The following ERI1 variants were observed in gnomAD, a reference collection of about 807,000 sequenced individuals.
ERI1 encodes the protein 3'-5' exoribonuclease 1.
In ERI1, 39 loss-of-function variants were observed where a neutral mutation model predicts 39.7. The observed-to-expected ratio is 0.98, with a 90% CI of 0.76 to 1.28. The LOEUF (loss-of-function observed/expected upper bound fraction) is 1.28. Among genes scored for constraint, ERI1 ranks in the 50% most tolerant of loss-of-function variants. The pLI, the probability that ERI1 is intolerant of heterozygous loss-of-function variation, is 0.00. For missense variants in ERI1, 581 were observed against 416.9 expected, an observed-to-expected ratio of 1.39 and a Z score of -3.43; for synonymous variants, 204 against 149.6, an observed-to-expected ratio of 1.36 and a Z score of -2.65.
chr8:9,070,940 G>T (rs1799027894), intron 3 of ERI1, among the ~76,000 whole-genome samples: 1 of 152,176 alleles, frequency 6.6e-6, no homozygotes, highest in African/African-American at 2.4e-5. Flanking sequence ...CTGGGACAGA[G>T]ACTTACAAGG....
At chr8:9,012,657 T>C (rs1286790592) in intron 3 of ERI1, among the ~76,000 whole-genome samples, 1 of 152,194 alleles carries the variant, frequency 6.6e-6, no homozygotes, top group East Asian at 1.9e-4. Flanking sequence ...TAGATTTTAC[T>C]TCTCTCTTAC....
intron 1 of ERI1, among the ~76,000 whole-genome samples, chr8:9,005,453 C>T (rs1815880193): frequency 6.6e-6 from 1 of 151,778 alleles, no homozygotes; most frequent in African/African-American, 2.4e-5. Context: ...TTATAGAATA[C>T]CTGTCTTTTT....
rs1395541707 is a variant in ERI1, at chr8:9,031,978, G to C, written c.*1944G>C. On this transcript the variant is annotated 3_prime_UTR_variant, in exon 7 of 7. Coordinates refer to ENST00000250263, the MANE Select transcript of ERI1 (RefSeq NM_153332.4). ...TCACCATGTTGGTCAGGCTGGTCTT[G>C]AACTCCTGACCTCAAGTGATTTGCC... The C allele has an allele frequency of 6.6e-6, 1 of 152,182 alleles. No individual in the cohort carries two copies. The highest frequency in any genetic ancestry group is 2.4e-5 in the African/African-American group (1 of 41,394). 9.4% of individuals were successfully genotyped at this position (152,182 alleles called of 1,614,324 possible). A position where few individuals can be genotyped will look rare whatever the true frequency, so the allele number is the denominator to read the frequency against.
intron 4 of ERI1, 76 bp from the exon 5 acceptor site, chr8:9,018,221 C>A: frequency 1.3e-6 from 1 of 747,934 alleles, no homozygotes; most frequent in Non-Finnish European, 2.2e-6. Flanking sequence ...TCCCCTCCAA[C>A]TTAGGTCTGG....
At chr8:9,085,250 C>T (rs959836129) in intron 3 of ERI1, among the ~76,000 whole-genome samples, 1 of 152,048 alleles carries the variant, frequency 6.6e-6, no homozygotes, top group Non-Finnish European at 1.5e-5. Context: ...GCTCTGTCAC[C>T]CAGGCTGGAG....
At chr8:9,025,869 C>T (rs568227611) in intron 6 of ERI1, among the ~76,000 whole-genome samples, 69 of 152,126 alleles carry the variant, frequency 4.5e-4, no homozygotes, top group Non-Finnish European at 3.7e-4. Context: ...GGACCCAACT[C>T]TAAATATGAA....
In ERI1 at chr8:9,030,144, A is replaced by T; in HGVS notation, c.*110A>T. The T allele has an allele frequency of 7.3e-7, 1 of 1,376,672 alleles. No homozygotes were observed. The highest frequency in any genetic ancestry group is 9.9e-7 in the Non-Finnish European group (1 of 1,010,510). The allele number at this position is 1,376,672 out of a possible 1,614,324, so 85.3% of individuals were successfully genotyped here. A position where few individuals can be genotyped will look rare whatever the true frequency, so the allele number is the denominator to read the frequency against. On this transcript the variant is annotated 3_prime_UTR_variant, in exon 7 of 7. Coordinates refer to ENST00000250263, the MANE Select transcript of ERI1 (RefSeq NM_153332.4). ...AAACTTTAAGCACCTTAAAACATTT[A>T]AAATCTTATTACAGGTGATAGAGAT...
intron 6 of ERI1, among the ~76,000 whole-genome samples, chr8:9,025,920 A>C (rs553781370): frequency 1.3e-5 from 2 of 152,266 alleles, no homozygotes; most frequent in South Asian, 2.1e-4. Context: ...ACAGAGCCTG[A>C]AGTTAAGTTT....
chr8:9,020,570 C>A, intron 6 of ERI1, 106 bp downstream of exon 6: 1 of 688,172 alleles, frequency 1.5e-6, no homozygotes, highest in Non-Finnish European at 2.4e-6. Context: ...TGGAAAAAAG[C>A]CATATAATTA....
At chr8:9,052,203 G>C (rs952946097) in intron 3 of ERI1, among the ~76,000 whole-genome samples, 1 of 152,162 alleles carries the variant, frequency 6.6e-6, no homozygotes, top group East Asian at 1.9e-4. Context: ...GACGTTTTCT[G>C]TGAGTTTCAG....
At chr8:9,020,676 T>C (rs929274915) in intron 6 of ERI1, among the ~76,000 whole-genome samples, 1 of 152,214 alleles carries the variant, frequency 6.6e-6, no homozygotes, top group African/African-American at 2.4e-5. Flanking sequence ...GTTAACTATA[T>C]ATACCTGACA....
At chr8:9,079,431 C>T (rs907445198) in intron 3 of ERI1, among the ~76,000 whole-genome samples, 3 of 152,178 alleles carry the variant, frequency 2.0e-5, no homozygotes, top group Non-Finnish European at 4.4e-5. Flanking sequence ...TGAAGGGTTC[C>T]TGGTTTCTTG....
At chr8:9,077,326 G>A (rs1799239502) in intron 3 of ERI1, among the ~76,000 whole-genome samples, 2 of 152,152 alleles carry the variant, frequency 1.3e-5, no homozygotes, top group East Asian at 3.9e-4. Flanking sequence ...CCTATGTAGA[G>A]GCAAAGGGAA....
rs3989371 is a variant in ERI1, at chr8:9,049,336, C to CAAAAAAAAAAAAAAAAAAAA, written n.299+28882_299+28901dup. Among the ~76,000 whole-genome samples the CAAAAAAAAAAAAAAAAAAAA allele has an allele frequency of 6.6e-4, 22 of 33,250 alleles. 3 individuals carry two copies. Among genetic ancestry groups the CAAAAAAAAAAAAAAAAAAAA allele is most frequent in the Non-Finnish European group, 6.9e-4 (13 of 18,934 alleles). The allele number at this position is 33,250 out of a possible 152,430, so 21.8% of individuals were successfully genotyped here. On this transcript the variant is annotated intron_variant and non_coding_transcript_variant, in intron 3 of 3. Transcript: ENST00000518663. Reference sequence around the variant, plus strand: ...GGGCGACAGAGTGAGACTCCGTCTCCAAAAAAAAAAAAAAAAAAAAAAAAA... The same window carrying CAAAAAAAAAAAAAAAAAAAA: ...GGGCGACAGAGTGAGACTCCGTCTCCAAAAAAAAAAAAAAAAAAAAAAAAAAAAAAAAAAAAAAAAAAAAA...
chr8:9,065,839 T>A (rs1028357447), intron 3 of ERI1, among the ~76,000 whole-genome samples: 3 of 152,206 alleles, frequency 2.0e-5, no homozygotes, highest in African/African-American at 4.8e-5. Context: ...TGATTCCTTT[T>A]TCCTCTCCTG....
chr8:9,013,021 C>CTTTTTTTTTTTTTTTTTTTTT (rs35229644), intron 3 of ERI1, among the ~76,000 whole-genome samples: 1 of 149,768 alleles, frequency 6.7e-6, no homozygotes, highest in Non-Finnish European at 1.5e-5. Context: ...ACCATTCTCA[C>CTTTTTTTTTTTTTTTTTTTTT]TTTTTTTTTT....
intron 6 of ERI1, among the ~76,000 whole-genome samples, chr8:9,023,792 A>AATTTTTTTT (rs369208558): frequency 1.5e-5 from 1 of 68,652 alleles, no homozygotes. Flanking sequence ...AGTAAAAATG[A>AATTTTTTTT]CTTTTTTTTT....
Position 9,078,485 on chromosome 8 carries a change from C to G in ERI1, n.300-37863C>G, listed in dbSNP as rs373896367. 2.4e-4 allele frequency among the ~76,000 whole-genome samples: 37 copies of G among 152,272 alleles called. 1 individual carries two copies. The East Asian group carries it at 4.8e-3, about 20-fold the overall frequency. ...ATACTTGGTAAGGTTGGAATTCAAA[C>G]TCAAGTTTTTTAACCCAAAGTGCAG... is the stretch of plus-strand genomic sequence containing the variant. On this transcript the variant is annotated intron_variant and non_coding_transcript_variant, in intron 3 of 3. Coordinates refer to the ERI1 transcript ENST00000518663.
At chr8:9,037,405 G>C (rs572280000), downstream of ERI1, among the ~76,000 whole-genome samples, 3 of 151,984 alleles carry the variant, frequency 2.0e-5, no homozygotes, top group East Asian at 1.9e-4. Flanking sequence ...CCGGACCTTT[G>C]GCAACAACTC....
Sources: gnomAD v4.1 joint callset for allele counts (sites outside exome capture counted in the v4.1 genomes callset) on GRCh38, gnomAD v4.1.1 for gene constraint, MANE v1.5 for transcripts, NCBI Gene and HGNC (gene_info 2026-07-23, HGNC 2026-07-21) for gene names.